The following GABBR2 variants were observed in gnomAD, a reference collection of about 807,000 sequenced individuals.
GABBR2 encodes the protein gamma-aminobutyric acid type B receptor subunit 2.
In GABBR2, 23 loss-of-function variants were observed where a neutral mutation model predicts 105.6. The ratio of observed to expected loss-of-function variants is 0.22; its 90% CI spans 0.16 to 0.31. The LOEUF is 0.31. Among genes scored for constraint, GABBR2 ranks in the 10% least tolerant of loss-of-function variants. The pLI, the probability that GABBR2 is intolerant of heterozygous loss-of-function variation, is 1.00. For synonymous variants in GABBR2, 478 were observed against 499.7 expected (o/e 0.96, Z 0.58); for missense variants, 734 against 1,245.5 (o/e 0.59, Z 6.18).
chr9:98,455,341 A>G lies in GABBR2; in HGVS notation c.1000-1124T>C, dbSNP rs1377317271. Among the ~76,000 whole-genome samples the G allele has an allele frequency of 2.0e-5, 3 of 152,120 alleles. 1 individual carries two copies. The highest frequency in any genetic ancestry group is 4.4e-5 in the Non-Finnish European group (3 of 68,018). ...AGCTCCTTCATGGGTCTTTTTTCAA[A>G]TCACTTCTGAACTCCTCTGCCAGAA... On this transcript the variant is annotated intron_variant, in intron 6 of 18. Coordinates refer to ENST00000259455, the MANE Select transcript of GABBR2 (RefSeq NM_005458.8).
intron 7 of GABBR2, among the ~76,000 whole-genome samples, chr9:98,422,670 T>C (rs997006255): frequency 6.6e-6 from 1 of 152,010 alleles, no homozygotes; most frequent in Admixed American, 6.6e-5. Flanking sequence ...TGCAGGTTAG[T>C]TACATATGTA....
At chr9:98,662,420 G>A (rs72760679) in intron 1 of GABBR2, among the ~76,000 whole-genome samples, 16,023 of 152,224 alleles carry the variant, frequency 0.11, 934 homozygotes, top group African/African-American at 0.14. Flanking sequence ...AAGATGAAGA[G>A]AGGCTGAGAA....
intron 2 of GABBR2, among the ~76,000 whole-genome samples, chr9:98,568,363 G>A (rs956568579): frequency 6.6e-6 from 1 of 152,152 alleles, no homozygotes; most frequent in Non-Finnish European, 1.5e-5. Context: ...CTGTAACAAG[G>A]GATGCTGGAC....
chr9:98,655,597 C>G (rs1830168477), intron 1 of GABBR2, among the ~76,000 whole-genome samples: 1 of 152,074 alleles, frequency 6.6e-6, no homozygotes, highest in Admixed American at 6.6e-5. Context: ...AAACGCCCAT[C>G]AATGATAGAC....
intron 7 of GABBR2, among the ~76,000 whole-genome samples, chr9:98,432,430 C>T (rs1248483388): frequency 1.3e-5 from 2 of 152,058 alleles, no homozygotes; most frequent in African/African-American, 2.4e-5. Context: ...ACAGTGCAAA[C>T]TTTGGTTCTA....
At chr9:98,292,715 C>T (rs1830320757) in intron 18 of GABBR2, among the ~76,000 whole-genome samples, 1 of 152,182 alleles carries the variant, frequency 6.6e-6, no homozygotes, top group Non-Finnish European at 1.5e-5. Flanking sequence ...GTCCAAGCAC[C>T]CAGGGCAGGG....
intron 13 of GABBR2, among the ~76,000 whole-genome samples, chr9:98,340,634 A>G (rs17690174): frequency 0.039 from 6,011 of 152,266 alleles, 156 homozygotes; most frequent in Middle Eastern, 0.044. Flanking sequence ...CCCTTTATGG[A>G]CATACCTAAT....
chr9:98,488,326 G>A (rs1827102830), intron 4 of GABBR2, among the ~76,000 whole-genome samples: 1 of 152,144 alleles, frequency 6.6e-6, no homozygotes, highest in Admixed American at 6.5e-5. Context: ...GGGGTTCTAG[G>A]ACACTCAGTT....
At chr9:98,473,969 G>A (rs969226180) in intron 5 of GABBR2, among the ~76,000 whole-genome samples, 7 of 152,162 alleles carry the variant, frequency 4.6e-5, no homozygotes, top group African/African-American at 9.7e-5. Flanking sequence ...TTTAATCTAA[G>A]TGTGTAGTTT....
intron 13 of GABBR2, among the ~76,000 whole-genome samples, chr9:98,326,907 A>G (rs1406980510): frequency 1.3e-5 from 2 of 152,248 alleles, no homozygotes; most frequent in Non-Finnish European, 2.9e-5. Flanking sequence ...TGAGGCACAG[A>G]GCAGTAAAGC....
At chr9:98,613,557 G>A (rs1829538910) in intron 1 of GABBR2, among the ~76,000 whole-genome samples, 1 of 152,210 alleles carries the variant, frequency 6.6e-6, no homozygotes, top group Admixed American at 6.5e-5. Context: ...CCTGTTCCAG[G>A]CATAGGCCTC....
At chr9:98,394,345 G>T in intron 8 of GABBR2, 90 bp from the exon 9 acceptor site, 2 of 852,334 alleles carry the variant, frequency 2.3e-6, no homozygotes, top group Non-Finnish European at 4.0e-6. Flanking sequence ...CCCCTCACAG[G>T]CCCTGGATAT....
intron 9 of GABBR2, among the ~76,000 whole-genome samples, chr9:98,390,162 G>A (rs1183749440): frequency 6.6e-6 from 1 of 152,100 alleles, no homozygotes; most frequent in Non-Finnish European, 1.5e-5. Context: ...ATCACTTGAG[G>A]TCAGGAGCTC....
intron 7 of GABBR2, among the ~76,000 whole-genome samples, chr9:98,442,889 CCT>C (rs978667443): frequency 3.9e-5 from 6 of 152,308 alleles, no homozygotes; most frequent in Admixed American, 6.5e-5. Context: ...TCAAATCTCC[CCT>C]TTTTATAGAA....
At chr9:98,398,732 GCTCCCT>G (rs542186705) in intron 8 of GABBR2, among the ~76,000 whole-genome samples, 188 of 152,170 alleles carry the variant, frequency 1.2e-3, no homozygotes, top group African/African-American at 4.2e-3. Context: ...ATCCCAATCT[GCTCCCT>G]CTCCCTCTCC....
At chr9:98,316,254 C>G (rs1357357665) in intron 13 of GABBR2, among the ~76,000 whole-genome samples, 1 of 151,924 alleles carries the variant, frequency 6.6e-6, no homozygotes, top group Admixed American at 6.6e-5. Context: ...TGGGTTCAAG[C>G]GATTCTCCTG....
At chr9:98,324,085 C>A (rs1830875383) in intron 13 of GABBR2, among the ~76,000 whole-genome samples, 1 of 152,186 alleles carries the variant, frequency 6.6e-6, no homozygotes, top group Non-Finnish European at 1.5e-5. Flanking sequence ...CCCAAGCTCA[C>A]ACATCAAGAA....
At chr9:98,424,610 A>G (rs1832841606) in intron 7 of GABBR2, among the ~76,000 whole-genome samples, 1 of 150,718 alleles carries the variant, frequency 6.6e-6, no homozygotes, top group Non-Finnish European at 1.5e-5. Flanking sequence ...AATCTCCTTA[A>G]GCTGATAAGC....
In GABBR2 at chr9:98,299,227, T is replaced by G. The variant is rs200142098; in HGVS notation, c.2539A>C (p.Thr847Pro). ...ILNLGNFTESTDGGKAILKNH... is the reference protein window; with the variant it reads ...ILNLGNFTESPDGGKAILKNH... ...TCTGGGGCCCTGGCTCTCTTACCTG[T>G]GCTCTCAGTGAAGTTTCCCAGGTTG... Residue 847 changes from threonine (T) to proline (P), a missense_variant, in exon 17 of 19, where the codon ACA becomes CCA. By Grantham distance (38) the Thr-to-Pro change is conservative. Around this residue, in one of 7 missense-constraint regions of GABBR2, gnomAD observed 134 missense variants for 171.2 expected, o/e 0.78. Coordinates refer to ENST00000259455, the MANE Select transcript of GABBR2 (RefSeq NM_005458.8). 6.2e-7 allele frequency: 1 copy of G among 1,613,826 alleles called. No homozygotes were observed. Among genetic ancestry groups the G allele is most frequent in the East Asian group, 2.2e-5 (1 of 44,890 alleles).
Sources: gnomAD v4.1 joint callset for allele counts (sites outside exome capture counted in the v4.1 genomes callset) on GRCh38, gnomAD v4.1.1 for gene constraint, gnomAD v4.1.1 regional missense constraint, MANE v1.5 for transcripts, NCBI Gene and HGNC (gene_info 2026-07-23, HGNC 2026-07-21) for gene names.